CACNA1C: variants seen among roughly 807,000 people sequenced by gnomAD.
CACNA1C encodes calcium voltage-gated channel subunit alpha1 C, also known as voltage-dependent L-type calcium channel subunit alpha-1C.
CACNA1C carries 30 observed loss-of-function variants against 229.0 expected under a neutral mutation model. The observed-to-expected ratio is 0.13, with a 90% CI of 0.10 to 0.18. The LOEUF (loss-of-function observed/expected upper bound fraction) is 0.18, where lower values mean the gene tolerates loss of function less well. Among genes scored for constraint, CACNA1C ranks in the 10% least tolerant of loss-of-function variants. The pLI is 1.00. For synonymous variants in CACNA1C, 1,114 were observed against 1,132.5 expected, an observed-to-expected ratio of 0.98 and a Z score of 0.33; for missense variants, 1,658 against 2,845.0, an observed-to-expected ratio of 0.58 and a Z score of 9.49.
rs561743965 is a variant in CACNA1C at position 2,125,796 on chromosome 12, G to A, written c.477+5366G>A. On this transcript the variant is annotated intron_variant, in intron 3 of 46. Coordinates refer to ENST00000399655, the MANE Select transcript of CACNA1C (RefSeq NM_000719.7). The stretch of plus-strand genomic sequence containing the variant: ...ATTGGATCCACCTTCAGCTCCCTCC[G>A]CAATCAGCTCTGTCTACCCACAGGT... Among the ~76,000 whole-genome samples the A allele has an allele frequency of 3.3e-5, 5 of 152,180 alleles. No homozygotes were observed. The East Asian group carries it at 5.8e-4, about 18-fold the overall frequency.
intron 34 of CACNA1C, among the ~76,000 whole-genome samples, chr12:2,657,848 C>T (rs2095501931): frequency 1.3e-5 from 2 of 152,000 alleles, no homozygotes; most frequent in Non-Finnish European, 2.9e-5. Context: ...AATAGAATTC[C>T]AGGTGAAAGG....
At chr12:2,041,891 A>T (rs11062088) in intron 1 of CACNA1C, among the ~76,000 whole-genome samples, 1,760 of 152,312 alleles carry the variant, frequency 0.012, 23 homozygotes, top group Non-Finnish European at 0.017. Context: ...GGGCCTCCAC[A>T]GTGCTTTGCT....
At position 2,639,618 on chromosome 12, in the gene CACNA1C, C is replaced by G. The variant is rs1028920619; in HGVS notation, c.3912+5238C>G. On this transcript the variant is annotated intron_variant, in intron 30 of 46. Coordinates refer to ENST00000399655, the MANE Select transcript of CACNA1C (RefSeq NM_000719.7). This position sits in a 1 kb window ranked among gnomAD's most constrained non-coding sequence, Gnocchi z 4.2. ...TGAGGAGTGAGAGGTTTAGGATGGT[C>G]TCTTGCAACTCTAGCCTGCAGTGAT... Among the ~76,000 whole-genome samples the G allele has an allele frequency of 2.6e-5, 4 of 152,162 alleles. No individual in the cohort carries two copies. The highest frequency in any genetic ancestry group is 3.8e-4 in the East Asian group (2 of 5,196).
In CACNA1C at chr12:2,666,451, A is replaced by C. The variant is rs151003369; in HGVS notation, c.4527-235A>C. Among the ~76,000 whole-genome samples, 503 of 152,338 alleles carry C rather than the reference A, an allele frequency of 3.3e-3. 4 individuals are homozygous for C. The highest frequency in any genetic ancestry group is 0.012 in the African/African-American group (483 of 41,566). ...CACTGCTAAAATCCCTTCCACCTTGAACATAGCATGGGCAGAAAATGATTC... is the reference window on the plus strand; with the variant it reads ...CACTGCTAAAATCCCTTCCACCTTGCACATAGCATGGGCAGAAAATGATTC... On this transcript the variant is annotated intron_variant, in intron 36 of 46. Coordinates refer to ENST00000399655, the MANE Select transcript of CACNA1C (RefSeq NM_000719.7). The surrounding 1 kb of genome is among the most constrained non-coding windows in gnomAD (Gnocchi z 5.3).
intron 3 of CACNA1C, among the ~76,000 whole-genome samples, chr12:2,326,802 T>TTC (rs2096317312): frequency 6.6e-6 from 1 of 152,202 alleles, no homozygotes; most frequent in Non-Finnish European, 1.5e-5. Context: ...TTCATGTCAC[T>TTC]CAGAATGGCT....
At chr12:1,985,834 C>T (rs149315960) in intron 1 of CACNA1C, among the ~76,000 whole-genome samples, 138 of 151,822 alleles carry the variant, frequency 9.1e-4, no homozygotes, top group African/African-American at 3.1e-3. Context: ...TTTTTTGAGA[C>T]GAGTCTCCCT....
chr12:2,695,859 C>T lies in CACNA1C; in HGVS notation c.*4660C>T, dbSNP rs2097838549. On this transcript the variant is annotated 3_prime_UTR_variant, in exon 47 of 47. Coordinates refer to ENST00000399655, the MANE Select transcript of CACNA1C (RefSeq NM_000719.7). ...ATACAACAGGTGAACGGGTTTCTGC[C>T]ACATCTCTACATTGACGGGGGATGC... The T allele has an allele frequency of 6.6e-6, 1 of 152,166 alleles. No homozygotes were observed. The highest frequency in any genetic ancestry group is 1.5e-5 in the Non-Finnish European group (1 of 68,034). 9.4% of individuals were successfully genotyped at this position (152,166 alleles called of 1,614,324 possible).
intron 3 of CACNA1C, among the ~76,000 whole-genome samples, chr12:2,426,569 T>C (rs1363141610): frequency 6.6e-6 from 1 of 152,242 alleles, no homozygotes; most frequent in African/African-American, 2.4e-5. Flanking sequence ...ATCAGTTAGC[T>C]TGTGCTGCGT....
intron 30 of CACNA1C, among the ~76,000 whole-genome samples, chr12:2,635,967 T>G (rs1035294096): frequency 2.0e-5 from 3 of 152,234 alleles, no homozygotes; most frequent in Non-Finnish European, 4.4e-5. Flanking sequence ...GCTCTGAGAC[T>G]CCTCTCCCCT....
rs759162856 is a variant in CACNA1C at position 2,690,892 on chromosome 12, T to TC, written c.6118-6dup. ...TGGTTCTTCATGGCTCCCACCCCGC[T>TC]CCTTCAGGTCTTGATTTCAGAAGGA... On this transcript the variant is annotated splice_polypyrimidine_tract_variant and splice_region_variant and intron_variant, in intron 46 of 46. Transcript: ENST00000399655. The TC allele has an allele frequency of 6.4e-7, 1 of 1,553,708 alleles. No homozygotes were observed. The highest frequency in any genetic ancestry group is 1.2e-5 in the South Asian group (1 of 83,688).
At chr12:2,206,062 G>A (rs758173) in intron 3 of CACNA1C, among the ~76,000 whole-genome samples, 51,780 of 151,998 alleles carry the variant, frequency 0.34, 9,300 homozygotes, top group South Asian at 0.39. Flanking sequence ...CATGTACATG[G>A]ACTGTGCAGT....
intron 1 of CACNA1C, among the ~76,000 whole-genome samples, chr12:1,985,955 T>G (rs564788125): frequency 1.3e-5 from 2 of 152,106 alleles, no homozygotes; most frequent in South Asian, 2.1e-4. Flanking sequence ...GGACTGCAGG[T>G]GCCTGCCACC....
At chr12:2,304,358 A>T (rs2094835656) in intron 3 of CACNA1C, among the ~76,000 whole-genome samples, 1 of 152,132 alleles carries the variant, frequency 6.6e-6, no homozygotes, top group African/African-American at 2.4e-5. Context: ...GTCAGGCTTC[A>T]CCAAGCAAGC....
intron 29 of CACNA1C, among the ~76,000 whole-genome samples, chr12:2,621,182 AC>A (rs2083047718): frequency 6.6e-6 from 1 of 152,156 alleles, no homozygotes; most frequent in East Asian, 1.9e-4. Context: ...TATAGGGCTC[AC>A]AGAGTAGTGC....
intron 9 of CACNA1C, among the ~76,000 whole-genome samples, chr12:2,537,284 A>G (rs2099858032): frequency 6.6e-6 from 1 of 152,244 alleles, no homozygotes; most frequent in African/African-American, 2.4e-5. Flanking sequence ...CCCGGGTTCA[A>G]ATCCTGAATC....
intron 1 of CACNA1C, among the ~76,000 whole-genome samples, chr12:2,080,134 C>T (rs1413007124): frequency 1.3e-5 from 2 of 152,084 alleles, no homozygotes; most frequent in Admixed American, 1.3e-4. Context: ...TGGTGGCACA[C>T]ACCTATAGTC....
chr12:2,614,170 G>C (rs551871054), intron 29 of CACNA1C: 1 of 152,204 alleles, frequency 6.6e-6, no homozygotes, highest in Admixed American at 6.5e-5. Flanking sequence ...TAACCATTGC[G>C]AGTGGTCTAA....
At chr12:2,561,664 A>G (rs1411893708) in intron 11 of CACNA1C, among the ~76,000 whole-genome samples, 1 of 152,184 alleles carries the variant, frequency 6.6e-6, no homozygotes, top group East Asian at 1.9e-4. Context: ...CTGGACAGGC[A>G]AGAGGAAGGC....
chr12:2,667,729 G>A (rs149605523), intron 37 of CACNA1C, among the ~76,000 whole-genome samples: 10 of 152,264 alleles, frequency 6.6e-5, no homozygotes, highest in Admixed American at 2.0e-4. Flanking sequence ...GCCTGGGTGC[G>A]AAACTTTCCG....
Sources: allele counts gnomAD v4.1 joint callset (sites outside exome capture counted in the v4.1 genomes callset), GRCh38; gene constraint gnomAD v4.1.1; non-coding constraint Gnocchi (gnomAD v3.1); transcripts MANE v1.5; gene names NCBI Gene and HGNC (gene_info 2026-07-23, HGNC 2026-07-21).